Variants in UMOD observed in about 807,000 individuals in gnomAD.
UMOD encodes the protein Tamm-Horsfall urinary glycoprotein.
UMOD carries 64 observed loss-of-function variants against 66.0 expected under a neutral mutation model. That is an observed-to-expected ratio of 0.97 (90% CI 0.79 to 1.19). The LOEUF is 1.19. Among genes scored for constraint, UMOD ranks in the 50% most tolerant of loss-of-function variants. The probability of loss-of-function intolerance (pLI) is 0.00; values close to 1 mark genes in which losing one functional copy is unlikely to be tolerated. For missense variants in UMOD, 764 were observed against 850.9 expected, an observed-to-expected ratio of 0.90 and a Z score of 1.27; for synonymous variants, 398 against 352.7, an observed-to-expected ratio of 1.13 and a Z score of -1.44.
intron 1 of UMOD, among the ~76,000 whole-genome samples, chr16:20,352,085 C>T (rs984653060): frequency 1.3e-5 from 2 of 149,228 alleles, no homozygotes; most frequent in Non-Finnish European, 3.0e-5. Flanking sequence ...GTCGCTTCTG[C>T]ATGTATGTGC....
At chr16:20,349,948 T>A in intron 2 of UMOD, 1 of 1,436,062 alleles carries the variant, frequency 7.0e-7, no homozygotes. Flanking sequence ...GGCAATAGGA[T>A]GTGCACTTTT....
chr16:20,350,664 T>C lies in UMOD; in HGVS notation c.74A>G (p.Asp25Gly), dbSNP rs148980017. The change falls in exon 2 of 11, where the codon GAC (aspartate) becomes GGC (glycine). Residue 25 changes from aspartate (D) to glycine (G), a missense_variant. Physicochemically the swap from Asp to Gly is moderately conservative, Grantham distance 94. Coordinates refer to ENST00000396138, the MANE Select transcript of UMOD (RefSeq NM_003361.4). ...ASWFITTAAT[D>G]TSEARWCSEC... ...TTTTCACTTACTTGCTTCTGAGGTG[T>C]CAGTGGCTGCAGTTGTGATGAACCA... 64 of 1,614,062 alleles carry C rather than the reference T, an allele frequency of 4.0e-5. No individual in the cohort carries two copies. In the African/African-American group the frequency reaches 6.5e-4, roughly 16 times the overall value.
chr16:20,356,204 A>C (rs759674372), upstream of UMOD: 3 of 152,202 alleles, frequency 2.0e-5, no homozygotes, highest in Non-Finnish European at 4.4e-5. Context: ...CTCTCTGAGC[A>C]CACACCTCCT....
intron 2 of UMOD, 115 bp downstream of exon 2, chr16:20,350,535 C>G: frequency 7.6e-7 from 1 of 1,311,764 alleles, no homozygotes; most frequent in Non-Finnish European, 1.1e-6. Context: ...ATGCAAGTCT[C>G]AAGTGCGATA....
rs1964933549 is a variant in UMOD at position 20,337,310 on chromosome 16, A to G, written c.1721T>C (p.Met574Thr). ...ACTCACAGGCTTGCACTTTTCATTC[A>G]TGGTGTCACAGAGATAGACTTCACA... ...LHCEVYLCDT[M>T]NEKCKPTCSG... The change falls in exon 8 of 11, where the codon ATG (methionine) becomes ACG (threonine). Residue 574 changes from methionine (M) to threonine (T), a missense_variant. By Grantham distance (81) the Met-to-Thr change is moderately conservative (BLOSUM62 -1). Coordinates refer to ENST00000396138, the MANE Select transcript of UMOD (RefSeq NM_003361.4). 6.2e-7 allele frequency: 1 copy of G among 1,614,186 alleles called. No individual in the cohort carries two copies. The highest frequency in any genetic ancestry group is 8.5e-7 in the Non-Finnish European group (1 of 1,180,034).
Position 20,350,847 on chromosome 16 carries a change from C to T in UMOD, c.-102-8G>A. On this transcript the variant is annotated splice_polypyrimidine_tract_variant and splice_region_variant and intron_variant, in intron 1 of 10. Transcript: ENST00000396138. ...TCTCTGATGTCTGGTGTCCTGTGAA[C>T]AGAGATGGATGGGACAAATGCATGA... 6.4e-7 allele frequency: 1 copy of T among 1,559,598 alleles called. No individual in the cohort carries two copies. Among genetic ancestry groups the T allele is most frequent in the Non-Finnish European group, 8.7e-7 (1 of 1,153,942 alleles).
At chr16:20,352,627 A>T in intron 1 of UMOD, 62 bp downstream of exon 1, 1 of 1,198,376 alleles carries the variant, frequency 8.3e-7, no homozygotes, top group Admixed American at 4.2e-5. Flanking sequence ...TTCCTCTCCT[A>T]CCTCCCTCAA....
intron 8 of UMOD, 43 bp from the exon 9 acceptor site, chr16:20,336,770 C>T: frequency 6.3e-7 from 1 of 1,585,294 alleles, no homozygotes; most frequent in Non-Finnish European, 8.7e-7. Context: ...CATGAAGGAG[C>T]CTGAATGTGG....
intron 9 of UMOD, among the ~76,000 whole-genome samples, chr16:20,336,362 G>A (rs1422587572): frequency 6.6e-6 from 1 of 152,202 alleles, no homozygotes; most frequent in African/African-American, 2.4e-5. Flanking sequence ...GTGGCCTCAT[G>A]TGTGTGCAAA....
intron 6 of UMOD, among the ~76,000 whole-genome samples, chr16:20,341,796 A>G (rs1965237881): frequency 6.6e-6 from 1 of 152,248 alleles, no homozygotes; most frequent in Non-Finnish European, 1.5e-5. Context: ...GATGAGGCCT[A>G]CAACTTGCGT....
In UMOD at chr16:20,349,892, A is replaced by T. The variant is rs137879641; in HGVS notation, c.89-680T>A. The T allele has an allele frequency of 3.3e-4, 269 of 810,114 alleles. 3 individuals carry two copies. The African/African-American group carries it at 7.6e-3, about 23-fold the overall frequency. The allele number at this position is 810,114 out of a possible 1,614,324, so 50.2% of individuals were successfully genotyped here. ...TTCCTCCGTAATAAAAATAACCATT[A>T]AAAAAAAAAAGAAGCTGTTGTTTAT... On this transcript the variant is annotated intron_variant, in intron 2 of 10. Transcript: ENST00000396138.
Position 20,346,158 on chromosome 16 carries a change from C to G in UMOD, c.1150G>C (p.Ala384Pro), listed in dbSNP as rs1462324559. Residue 384 changes from alanine to proline, a missense_variant, in exon 5 of 11, where the codon GCC (alanine) becomes CCC (proline). By Grantham distance (27) the Ala-to-Pro change is conservative. Coordinates refer to ENST00000396138, the MANE Select transcript of UMOD (RefSeq NM_003361.4). ...NRDWVSVVTPARDGPCGTVLT... is the reference protein window; with the variant it reads ...NRDWVSVVTPPRDGPCGTVLT... ...ACTGTCCCACAGGGGCCATCCCGGG[C>G]TGGGGTCACTACAGACACCCAGTCC... 6.2e-7 allele frequency: 1 copy of G among 1,614,158 alleles called. No individual in the cohort carries two copies. Among genetic ancestry groups the G allele is most frequent in the Non-Finnish European group, 8.5e-7 (1 of 1,180,046 alleles).
At chr16:20,347,886 T>G (rs1965672928) in intron 4 of UMOD, among the ~76,000 whole-genome samples, 1 of 152,162 alleles carries the variant, frequency 6.6e-6, no homozygotes, top group African/African-American at 2.4e-5. Context: ...CGGGCTTGTG[T>G]TCTGGTGCTG....
chr16:20,355,383 T>G (rs749265409), upstream of UMOD, among the ~76,000 whole-genome samples: 1 of 147,706 alleles, frequency 6.8e-6, no homozygotes, highest in African/African-American at 2.4e-5. Context: ...TGAAACACTC[T>G]TCTTTCTTTC....
chr16:20,346,126 C>G lies in UMOD; in HGVS notation c.1182G>C (p.Thr394=), dbSNP rs770357364. 6.2e-7 allele frequency: 1 copy of G among 1,613,588 alleles called. No homozygotes were observed. The highest frequency in any genetic ancestry group is 8.5e-7 in the Non-Finnish European group (1 of 1,179,984). ...ARDGPCGTVL[T]RNETHATYSN... ...CTGTCCCCCACTGGCCAGGACGTACCGTCAACACTGTCCCACAGGGGCCAT... is the reference window on the plus strand; with the variant it reads ...CTGTCCCCCACTGGCCAGGACGTACGGTCAACACTGTCCCACAGGGGCCAT... Residue 394 remains threonine, a splice_region_variant and synonymous_variant, in exon 5 of 11, where the codon ACG becomes ACC. Transcript: ENST00000396138.
Position 20,349,183 on chromosome 16 carries a change from T to C in UMOD, c.118A>G (p.Thr40Ala). ...GTAACGGCCTCATCCTCCGTGCAGG[T>C]GGCATTGCTGTGACATTCAGAGCAC... ...RWCSECHSNA[T>A]CTEDEAVTTC... is the part of the protein sequence containing the mutation. Residue 40 changes from threonine to alanine, a missense_variant, in exon 3 of 11, where the codon ACC (threonine) becomes GCC (alanine). Coordinates refer to ENST00000396138, the MANE Select transcript of UMOD (RefSeq NM_003361.4). 6.2e-7 allele frequency: 1 copy of C among 1,613,808 alleles called. No individual in the cohort carries two copies. The highest frequency in any genetic ancestry group is 8.5e-7 in the Non-Finnish European group (1 of 1,179,990).
chr16:20,343,906 C>G (rs1225386486), intron 6 of UMOD, 118 bp downstream of exon 6: 1 of 1,292,066 alleles, frequency 7.7e-7, no homozygotes, highest in Non-Finnish European at 1.1e-6. Context: ...ATTGGGCAAC[C>G]CTGATTCCCA....
At chr16:20,338,547 T>C (rs2141638413) in intron 7 of UMOD, among the ~76,000 whole-genome samples, 1 of 152,166 alleles carries the variant, frequency 6.6e-6, no homozygotes, top group East Asian at 1.9e-4. Context: ...CAGGCTGGAG[T>C]GCAGTGGTGT....
chr16:20,344,182 G>A lies in UMOD; in HGVS notation c.1183-10C>T, dbSNP rs1365690779. 1.9e-6 allele frequency: 3 copies of A among 1,601,656 alleles called. No individual in the cohort carries two copies. The East Asian group carries it at 6.8e-5, about 36-fold the overall frequency. ...CATGGGTTTCATTCCTCTGTTGCAG[G>A]GAATGGGGGTGGAGGGGGGGTGGGG... is the stretch of plus-strand genomic sequence containing the variant. On this transcript the variant is annotated splice_polypyrimidine_tract_variant and intron_variant, in intron 5 of 10. Transcript: ENST00000396138.
Sources: allele counts gnomAD v4.1 joint callset (sites outside exome capture counted in the v4.1 genomes callset), GRCh38; gene constraint gnomAD v4.1.1; transcripts MANE v1.5; gene names NCBI Gene and HGNC (gene_info 2026-07-23, HGNC 2026-07-21).